The following UNC13C variants were observed in gnomAD, a reference collection of about 807,000 sequenced individuals.
The protein encoded by UNC13C is unc-13 homolog C.
Under a neutral mutation model 245.4 loss-of-function variants are expected in UNC13C, and 174 were observed. The ratio of observed to expected loss-of-function variants is 0.71; its 90% CI spans 0.63 to 0.80. UNC13C has a LOEUF of 0.80. Ranked by LOEUF, UNC13C falls within the 30% of genes least tolerant of loss-of-function variation. The probability of loss-of-function intolerance (pLI) is 0.00; values close to 1 mark genes in which losing one functional copy is unlikely to be tolerated. For missense variants in UNC13C, 2,829 were observed against 2,602.9 expected, an observed-to-expected ratio of 1.09 and a Z score of -1.89; for synonymous variants, 992 against 895.1, an observed-to-expected ratio of 1.11 and a Z score of -1.93.
chr15:54,294,537 T>C (rs1373360742), intron 11 of UNC13C, among the ~76,000 whole-genome samples: 1 of 152,104 alleles, frequency 6.6e-6, no homozygotes, highest in African/African-American at 2.4e-5. Flanking sequence ...TGTGAACTCA[T>C]GCAGACTCTC....
rs918124802 is a variant in UNC13C at position 54,627,288 on chromosome 15, A to G, written c.*175A>G. 8 of 607,820 alleles carry G rather than the reference A, an allele frequency of 1.3e-5. No homozygotes were observed. Among genetic ancestry groups the G allele is most frequent in the Non-Finnish European group, 2.1e-5 (8 of 383,392 alleles). The allele number at this position is 607,820 out of a possible 1,614,324, so 37.7% of individuals were successfully genotyped here. On this transcript the variant is annotated 3_prime_UTR_variant, in exon 33 of 33. Coordinates refer to ENST00000260323, the MANE Select transcript of UNC13C (RefSeq NM_001080534.3). ...TTTATACCAATTCTGGTCTTTGGGA[A>G]ATCAGTGTTCCATGAAGTGCCAAAA...
rs561425967 is a variant in UNC13C, at chr15:54,250,234, G to A, written c.3238G>A (p.Val1080Ile). 3.4e-5 allele frequency: 55 copies of A among 1,613,862 alleles called. No homozygotes were observed. The highest frequency in any genetic ancestry group is 4.3e-5 in the Non-Finnish European group (51 of 1,179,858). The change falls in exon 8 of 33, where the codon GTC becomes ATC. Residue 1080 changes from valine to isoleucine, a missense_variant. Transcript: ENST00000260323. ...TCTCTCATGTTCACAGAAAATGCAC[G>A]TCTTCAAGAAGACCTTGCAGGCACT... ...SLNNEELKMH[V>I]FKKTLQALIY...
At chr15:54,091,556 T>C (rs1222876422) in intron 2 of UNC13C, among the ~76,000 whole-genome samples, 1 of 152,210 alleles carries the variant, frequency 6.6e-6, no homozygotes, top group Non-Finnish European at 1.5e-5. Context: ...TGTAAATTTT[T>C]ATATGCTTTA....
chr15:54,317,164 A>G (rs1161694320), intron 13 of UNC13C, among the ~76,000 whole-genome samples: 1 of 151,988 alleles, frequency 6.6e-6, no homozygotes, highest in Non-Finnish European at 1.5e-5. Flanking sequence ...ATTTGACTAT[A>G]CATTGAAGTT....
At chr15:54,402,374 A>G (rs1159684052) in intron 18 of UNC13C, among the ~76,000 whole-genome samples, 1 of 152,192 alleles carries the variant, frequency 6.6e-6, no homozygotes, top group African/African-American at 2.4e-5. Flanking sequence ...TTCTAAGTGC[A>G]TAAGGGTACT....
chr15:54,306,095 A>T (rs2037717928), intron 13 of UNC13C, among the ~76,000 whole-genome samples: 1 of 152,060 alleles, frequency 6.6e-6, no homozygotes, highest in East Asian at 1.9e-4. Flanking sequence ...AAAGAGTCTG[A>T]AACTATTTTG....
chr15:54,183,517 A>G (rs543398148), intron 4 of UNC13C, among the ~76,000 whole-genome samples: 1 of 151,990 alleles, frequency 6.6e-6, no homozygotes, highest in Admixed American at 6.6e-5. Flanking sequence ...AATGATTACT[A>G]TTTGCCATGT....
At chr15:53,840,958 G>A in the UNC13C span, among the ~76,000 whole-genome samples, 1 of 152,226 alleles carries the variant, frequency 6.6e-6, no homozygotes, top group Non-Finnish European at 1.5e-5. Context: ...AACTGCAAGT[G>A]CCAAATTCAG....
the UNC13C span, among the ~76,000 whole-genome samples, chr15:53,838,033 A>T: frequency 2.6e-5 from 4 of 152,256 alleles, no homozygotes; most frequent in African/African-American, 9.6e-5. Context: ...AATTTTTTGA[A>T]TTAAAAAATT....
At chr15:54,474,429 T>C (rs1314501008) in intron 19 of UNC13C, among the ~76,000 whole-genome samples, 5 of 151,950 alleles carry the variant, frequency 3.3e-5, no homozygotes, top group Non-Finnish European at 7.4e-5. Flanking sequence ...TGATTAGTGA[T>C]GTTAAGCATT....
chr15:54,509,069 T>C (rs1394385578), intron 23 of UNC13C, among the ~76,000 whole-genome samples: 1 of 152,170 alleles, frequency 6.6e-6, no homozygotes, highest in East Asian at 1.9e-4. Context: ...TGTGGTGGCG[T>C]GCACCTGTAA....
chr15:54,499,974 G>A, intron 20 of UNC13C, 105 bp from the exon 21 acceptor site: 1 of 828,598 alleles, frequency 1.2e-6, no homozygotes, highest in Non-Finnish European at 1.8e-6. Context: ...AATGAAAGGA[G>A]ATTGTTGATT....
At chr15:54,599,507 T>C (rs1899286583) in intron 30 of UNC13C, among the ~76,000 whole-genome samples, 1 of 152,022 alleles carries the variant, frequency 6.6e-6, no homozygotes, top group African/African-American at 2.4e-5. Flanking sequence ...AAGATCTATT[T>C]CTTTCACTCC....
intron 13 of UNC13C, among the ~76,000 whole-genome samples, chr15:54,311,188 T>C (rs928481857): frequency 6.6e-6 from 1 of 151,766 alleles, no homozygotes; most frequent in Non-Finnish European, 1.5e-5. Flanking sequence ...CAGTATCAAA[T>C]GAGTAAGCTT....
the UNC13C span, among the ~76,000 whole-genome samples, chr15:53,852,339 T>A: frequency 1.3e-5 from 2 of 152,282 alleles, no homozygotes; most frequent in Admixed American, 1.3e-4. Context: ...GGGCTTTTAC[T>A]CTAGCTACTG....
chr15:54,160,718 T>G (rs1340949268), intron 4 of UNC13C, among the ~76,000 whole-genome samples: 1 of 152,176 alleles, frequency 6.6e-6, no homozygotes, highest in Admixed American at 6.5e-5. Flanking sequence ...CTCATTCAGT[T>G]GCTATCAGTA....
chr15:54,529,217 G>C (rs1422111223), intron 25 of UNC13C, among the ~76,000 whole-genome samples: 1 of 152,178 alleles, frequency 6.6e-6, no homozygotes, highest in Non-Finnish European at 1.5e-5. Context: ...GATCAAACCT[G>C]ATGGTAGAAG....
intron 30 of UNC13C, among the ~76,000 whole-genome samples, chr15:54,576,726 C>A (rs1319262185): frequency 6.6e-6 from 1 of 152,170 alleles, no homozygotes; most frequent in Non-Finnish European, 1.5e-5. Context: ...CCCCTCTTGT[C>A]CCCCACCAGC....
intron 1 of UNC13C, among the ~76,000 whole-genome samples, chr15:53,999,303 A>G (rs1335186017): frequency 1.3e-5 from 2 of 151,796 alleles, no homozygotes; most frequent in Non-Finnish European, 2.9e-5. Context: ...TCATACATAT[A>G]AAATATACAT....
Sources: gnomAD v4.1 joint callset for allele counts (sites outside exome capture counted in the v4.1 genomes callset) on GRCh38, gnomAD v4.1.1 for gene constraint, MANE v1.5 for transcripts, NCBI Gene and HGNC (gene_info 2026-07-23, HGNC 2026-07-21) for gene names.